Variants in SNX29 observed in about 807,000 individuals in gnomAD.
SNX29 encodes the protein sorting nexin 29, also known as sorting nexin-29.
In SNX29, 78 loss-of-function variants were observed where a neutral mutation model predicts 102.1. The observed-to-expected ratio is 0.76, with a 90% CI of 0.64 to 0.92. SNX29 has a LOEUF of 0.92. Among genes scored for constraint, SNX29 ranks in the 40% least tolerant of loss-of-function variants. The probability of loss-of-function intolerance (pLI) is 0.00; values close to 1 mark genes in which losing one functional copy is unlikely to be tolerated. For synonymous variants in SNX29, 580 were observed against 414.5 expected (o/e 1.40, Z -4.85); for missense variants, 1,280 against 1,061.7 (o/e 1.21, Z -2.86).
At chr16:12,490,273 T>C (rs2088478960) in intron 19 of SNX29, among the ~76,000 whole-genome samples, 1 of 152,228 alleles carries the variant, frequency 6.6e-6, no homozygotes, top group Admixed American at 6.5e-5. Context: ...TGTGCTGCTT[T>C]CTGATACCAT....
At chr16:12,305,990 A>G (rs991239968) in intron 15 of SNX29, among the ~76,000 whole-genome samples, 1 of 151,958 alleles carries the variant, frequency 6.6e-6, no homozygotes, top group African/African-American at 2.4e-5. Context: ...TCCTCGTTTT[A>G]TACTGGAGGA....
chr16:12,552,843 G>C lies in SNX29; in HGVS notation c.2319-15663G>C, dbSNP rs115056195. 4.6e-4 allele frequency among the ~76,000 whole-genome samples: 70 copies of C among 152,360 alleles called. No individual in the cohort carries two copies. The East Asian group carries it at 0.011, about 23-fold the overall frequency. On this transcript the variant is annotated intron_variant, in intron 20 of 20. Transcript: ENST00000566228. ...AGTGTGACACCTGACCTGCCAGAGA[G>C]GAGAGGGTGTGGCAGATGGCAGGGC...
intron 4 of SNX29, among the ~76,000 whole-genome samples, chr16:12,032,338 G>A (rs764289132): frequency 1.4e-4 from 21 of 151,742 alleles, no homozygotes; most frequent in Admixed American, 5.9e-4. Context: ...CTCCCAAGTA[G>A]CTGAGATTAT....
chr16:12,112,080 T>C (rs897047798), intron 11 of SNX29, among the ~76,000 whole-genome samples: 5 of 152,224 alleles, frequency 3.3e-5, no homozygotes, highest in Non-Finnish European at 7.3e-5. Context: ...TCCAAAGCTA[T>C]GTGACTGCTG....
At chr16:12,384,925 C>T (rs1228015307) in intron 16 of SNX29, among the ~76,000 whole-genome samples, 1 of 152,208 alleles carries the variant, frequency 6.6e-6, no homozygotes, top group African/African-American at 2.4e-5. Flanking sequence ...AATCCCAGCA[C>T]TTTGGGAGGC....
chr16:12,417,429 C>A (rs529364079), intron 18 of SNX29, among the ~76,000 whole-genome samples: 1 of 152,262 alleles, frequency 6.6e-6, no homozygotes, highest in African/African-American at 2.4e-5. Flanking sequence ...TGAGGACATT[C>A]CTGTGGCACA....
intron 16 of SNX29, among the ~76,000 whole-genome samples, chr16:12,389,647 AT>A (rs1171101456): frequency 6.6e-6 from 1 of 152,190 alleles, no homozygotes; most frequent in East Asian, 1.9e-4. Context: ...TAAAAAAAAA[AT>A]CATGTTTGTG....
intron 18 of SNX29, among the ~76,000 whole-genome samples, chr16:12,467,854 C>G (rs2087132154): frequency 1.3e-5 from 2 of 152,294 alleles, no homozygotes; most frequent in African/African-American, 4.8e-5. Flanking sequence ...GGGGTCAGCA[C>G]TGACAGTTGA....
At chr16:12,029,339 C>T (rs1295293029) in intron 4 of SNX29, among the ~76,000 whole-genome samples, 1 of 152,042 alleles carries the variant, frequency 6.6e-6, no homozygotes, top group African/African-American at 2.4e-5. Context: ...CCTGAGGTAC[C>T]ATATACCAGG....
intron 8 of SNX29, among the ~76,000 whole-genome samples, chr16:12,055,392 C>G (rs8044821): frequency 0.4 from 60,809 of 151,778 alleles, 12,761 homozygotes; most frequent in Middle Eastern, 0.51. Flanking sequence ...TACCACACCC[C>G]GCTAACTTTT....
intron 20 of SNX29, among the ~76,000 whole-genome samples, chr16:12,566,597 C>T (rs1042924374): frequency 1.1e-4 from 16 of 152,214 alleles, no homozygotes; most frequent in African/African-American, 3.6e-4. Context: ...CTTCCTGTAT[C>T]TAAGAATCAG....
At chr16:12,402,841 C>T (rs2084000324) in intron 17 of SNX29, among the ~76,000 whole-genome samples, 1 of 152,070 alleles carries the variant, frequency 6.6e-6, no homozygotes, top group Non-Finnish European at 1.5e-5. Flanking sequence ...GTATTTGTAC[C>T]CATCAGCCTG....
At chr16:12,299,741 A>G (rs892151062) in intron 15 of SNX29, among the ~76,000 whole-genome samples, 4 of 141,700 alleles carry the variant, frequency 2.8e-5, no homozygotes, top group Non-Finnish European at 4.6e-5. Flanking sequence ...AGTAGACTAT[A>G]TATTATGATC....
At chr16:12,467,534 C>G (rs764874967) in intron 18 of SNX29, among the ~76,000 whole-genome samples, 12 of 152,130 alleles carry the variant, frequency 7.9e-5, no homozygotes, top group Non-Finnish European at 1.6e-4. Context: ...TAAGACACTC[C>G]CTGGCAGTGC....
At chr16:12,135,514 T>G in intron 13 of SNX29, 1 of 1,318,136 alleles carries the variant, frequency 7.6e-7, no homozygotes, top group African/African-American at 1.5e-5. Flanking sequence ...CTTGAGAGGA[T>G]GGTGCCAGCC....
chr16:12,532,448 C>T lies in SNX29; in HGVS notation c.2318+7607C>T, dbSNP rs1012141736. ...CGTGTTTTGTAAATCCTACTAAGCTCAATATTATTAAGCAAACAGTTTTAG... is the reference window on the plus strand; with the variant it reads ...CGTGTTTTGTAAATCCTACTAAGCTTAATATTATTAAGCAAACAGTTTTAG... On this transcript the variant is annotated intron_variant, in intron 20 of 20. Transcript: ENST00000566228. Among the ~76,000 whole-genome samples, 4 of 152,034 alleles carry T rather than the reference C, an allele frequency of 2.6e-5. No homozygotes were observed. In the South Asian group the frequency reaches 6.2e-4, roughly 24 times the overall value.
chr16:12,302,457 A>G (rs191633378), intron 15 of SNX29, among the ~76,000 whole-genome samples: 3 of 152,340 alleles, frequency 2.0e-5, no homozygotes, highest in Non-Finnish European at 2.9e-5. Context: ...TATTTCTCAC[A>G]GTTCTGAAGG....
In SNX29 at chr16:12,538,139, G is replaced by A. The variant is rs530123559; in HGVS notation, c.2318+13298G>A. Among the ~76,000 whole-genome samples, 146 of 152,074 alleles carry A rather than the reference G, an allele frequency of 9.6e-4. 1 individual carries two copies. Among genetic ancestry groups the A allele is most frequent in the Middle Eastern group, 3.4e-3 (1 of 294 alleles). ...CCTTGCATTTTTTTATTTTTGAGAC[G>A]GAGTCTCACTCTGTCACCCAGAATA... On this transcript the variant is annotated intron_variant, in intron 20 of 20. Transcript: ENST00000566228.
intron 14 of SNX29, among the ~76,000 whole-genome samples, chr16:12,274,480 T>G (rs2079185050): frequency 6.6e-6 from 1 of 152,142 alleles, no homozygotes; most frequent in Admixed American, 6.6e-5. Flanking sequence ...GTGTGTTATC[T>G]TTTTCTCCTT....
Sources: allele counts gnomAD v4.1 joint callset (sites outside exome capture counted in the v4.1 genomes callset), GRCh38; gene constraint gnomAD v4.1.1; transcripts MANE v1.5; gene names NCBI Gene and HGNC (gene_info 2026-07-23, HGNC 2026-07-21).